The following PAMR1 variants were observed in gnomAD, a reference collection of about 807,000 sequenced individuals.
The protein encoded by PAMR1 is peptidase domain containing associated with muscle regeneration 1, also known as inactive serine protease PAMR1.
PAMR1 carries 88 observed loss-of-function variants against 81.8 expected under a neutral mutation model. That is an observed-to-expected ratio of 1.08 (90% CI 0.91 to 1.28). The LOEUF (loss-of-function observed/expected upper bound fraction) is 1.28. Ranked by LOEUF, PAMR1 falls within the 50% of genes most tolerant of loss-of-function variation. PAMR1 has a pLI of 0.00. For synonymous variants in PAMR1, 336 were observed against 345.3 expected (o/e 0.97, Z 0.30); for missense variants, 935 against 919.7 (o/e 1.02, Z -0.21).
intron 3 of PAMR1, among the ~76,000 whole-genome samples, chr11:35,482,388 G>A (rs1590361011): frequency 1.3e-5 from 2 of 152,054 alleles, no homozygotes; most frequent in African/African-American, 2.4e-5. Context: ...CTGTTCCGTT[G>A]GTCTGTATGT....
intron 6 of PAMR1, among the ~76,000 whole-genome samples, chr11:35,447,428 C>T: frequency 6.6e-6 from 1 of 152,062 alleles, no homozygotes; most frequent in East Asian, 1.9e-4. Context: ...ATGGCTCGAT[C>T]TCCTGACCTC....
intron 1 of PAMR1, among the ~76,000 whole-genome samples, chr11:35,503,481 T>A (rs1448091708): frequency 6.6e-6 from 1 of 152,134 alleles, no homozygotes; most frequent in Non-Finnish European, 1.5e-5. Context: ...GTCATTTTAA[T>A]GGTATTAATT....
intron 6 of PAMR1, among the ~76,000 whole-genome samples, chr11:35,449,042 AAC>A (rs1016861551): frequency 2.6e-4 from 40 of 152,328 alleles, no homozygotes; most frequent in African/African-American, 8.9e-4. Flanking sequence ...AGGGGCACCA[AAC>A]TGATGCCAGC....
At chr11:35,440,305 T>C (rs1359257433) in intron 7 of PAMR1, among the ~76,000 whole-genome samples, 1 of 152,234 alleles carries the variant, frequency 6.6e-6, no homozygotes, top group Non-Finnish European at 1.5e-5. Flanking sequence ...TAGAGAACTT[T>C]GGTTGTATTA....
At chr11:35,508,420 C>T (rs1217672447) in intron 1 of PAMR1, among the ~76,000 whole-genome samples, 1 of 151,392 alleles carries the variant, frequency 6.6e-6, no homozygotes, top group Non-Finnish European at 1.5e-5. Flanking sequence ...GACTTTGCTA[C>T]TGAAAATCTC....
chr11:35,518,480 G>A (rs1407092399), intron 1 of PAMR1, among the ~76,000 whole-genome samples: 2 of 151,558 alleles, frequency 1.3e-5, no homozygotes, highest in African/African-American at 4.8e-5. Flanking sequence ...TGCCTTACGG[G>A]TGAGAGATCA....
At chr11:35,438,782 C>A (rs945678500) in intron 8 of PAMR1, among the ~76,000 whole-genome samples, 1 of 152,168 alleles carries the variant, frequency 6.6e-6, no homozygotes, top group Admixed American at 6.5e-5. Context: ...CAGAAACAGA[C>A]TACAGGCTAG....
At chr11:35,463,414 G>A (rs1393828779) in intron 6 of PAMR1, among the ~76,000 whole-genome samples, 1 of 152,208 alleles carries the variant, frequency 6.6e-6, no homozygotes, top group Non-Finnish European at 1.5e-5. Flanking sequence ...GATGCAGGGG[G>A]AAGTCCCAGC....
chr11:35,470,565 G>GCCATAAAATGCCACATTTGTCTCCTTGGC lies in PAMR1; in HGVS notation c.712+7_712+35dup, dbSNP rs765658457. 6.8e-6 allele frequency: 10 copies of GCCATAAAATGCCACATTTGTCTCCTTGGC among 1,465,782 alleles called. No homozygotes were observed. In the Admixed American group the frequency reaches 1.5e-4, roughly 22 times the overall value. The allele number at this position is 1,465,782 out of a possible 1,614,324, so 90.8% of individuals were successfully genotyped here. A position where few individuals can be genotyped will look rare whatever the true frequency, so the allele number is the denominator to read the frequency against. ...GAAAGGAGATATTTATCTGGAGCAA[G>GCCATAAAATGCCACATTTGTCTCCTTGGC]CCATAAAATGCCACATTTGTCTCCT... On this transcript the variant is annotated intron_variant, in intron 5 of 10. Transcript: ENST00000619888.
At chr11:35,512,596 G>A (rs1851093344) in intron 1 of PAMR1, among the ~76,000 whole-genome samples, 1 of 152,188 alleles carries the variant, frequency 6.6e-6, no homozygotes, top group Admixed American at 6.5e-5. Context: ...GTTCCCAGGT[G>A]GCCTTGGGCG....
chr11:35,485,332 A>G (rs1253191426), intron 3 of PAMR1, among the ~76,000 whole-genome samples: 3 of 152,236 alleles, frequency 2.0e-5, no homozygotes, highest in African/African-American at 4.8e-5. Context: ...AAAGTGGCAA[A>G]TCCTGGAAAG....
chr11:35,524,228 C>T (rs184797962), intron 1 of PAMR1, among the ~76,000 whole-genome samples: 27 of 152,244 alleles, frequency 1.8e-4, no homozygotes, highest in Admixed American at 1.2e-3. Context: ...TTATTATTGT[C>T]TTTGGGCTGC....
At chr11:35,485,984 C>T (rs1850494992) in intron 3 of PAMR1, among the ~76,000 whole-genome samples, 1 of 152,178 alleles carries the variant, frequency 6.6e-6, no homozygotes, top group South Asian at 2.1e-4. Context: ...GTGCTCAGCA[C>T]CAGGCAGGCA....
intron 6 of PAMR1, among the ~76,000 whole-genome samples, chr11:35,459,598 A>C (rs947815889): frequency 7.9e-5 from 12 of 152,288 alleles, no homozygotes; most frequent in African/African-American, 2.6e-4. Context: ...AGCCTTGGGG[A>C]TGAAGAGAAT....
At chr11:35,480,720 A>ATT in intron 3 of PAMR1, among the ~76,000 whole-genome samples, 1 of 152,166 alleles carries the variant, frequency 6.6e-6, no homozygotes, top group African/African-American at 2.4e-5. Flanking sequence ...AAATTCCAGG[A>ATT]TGCATTTGCA....
intron 6 of PAMR1, among the ~76,000 whole-genome samples, chr11:35,454,891 T>C (rs1856496556): frequency 6.6e-6 from 1 of 152,196 alleles, no homozygotes; most frequent in Non-Finnish European, 1.5e-5. Context: ...AAGAATTAGG[T>C]AGTCTAAGAC....
At chr11:35,516,185 G>A (rs770463447) in intron 1 of PAMR1, among the ~76,000 whole-genome samples, 1 of 152,134 alleles carries the variant, frequency 6.6e-6, no homozygotes, top group Non-Finnish European at 1.5e-5. Flanking sequence ...ATCAGCGAGG[G>A]GAAGTAACTT....
At position 35,446,356 on chromosome 11, in the gene PAMR1, G is replaced by A. The variant is rs529672289; in HGVS notation, c.821-4663C>T. On this transcript the variant is annotated intron_variant, in intron 6 of 10. Coordinates refer to ENST00000619888, the MANE Select transcript of PAMR1 (RefSeq NM_001001991.3). ...TCTCCTTCAGTTCTGCTGTGATCTT[G>A]GTTATTTCTTGTCTTCTGCTAGCTT... is the stretch of plus-strand genomic sequence containing the variant. Among the ~76,000 whole-genome samples the A allele has an allele frequency of 7.9e-5, 12 of 152,044 alleles. No homozygotes were observed. In the South Asian group the frequency reaches 1.2e-3, roughly 16 times the overall value.
intron 6 of PAMR1, among the ~76,000 whole-genome samples, chr11:35,447,265 C>T (rs546721920): frequency 3.5e-5 from 5 of 142,488 alleles, no homozygotes; most frequent in South Asian, 4.5e-4. Flanking sequence ...TGCAGTGGTG[C>T]GATCTCGGCT....
Sources: allele counts gnomAD v4.1 joint callset (sites outside exome capture counted in the v4.1 genomes callset), GRCh38; gene constraint gnomAD v4.1.1; transcripts MANE v1.5; gene names NCBI Gene and HGNC (gene_info 2026-07-23, HGNC 2026-07-21).